Variants in MYO16 observed in about 807,000 individuals in gnomAD.
MYO16 encodes the protein myosin XVI.
MYO16 carries 94 observed loss-of-function variants against 205.3 expected under a neutral mutation model. The observed-to-expected ratio is 0.46, with a 90% CI of 0.39 to 0.54. The LOEUF (loss-of-function observed/expected upper bound fraction) is 0.54, where lower values mean the gene tolerates loss of function less well. Ranked by LOEUF, MYO16 falls within the 20% of genes least tolerant of loss-of-function variation. MYO16 has a pLI of 0.00. For missense variants in MYO16, 2,315 were observed against 2,387.5 expected (o/e 0.97, Z 0.63); for synonymous variants, 988 against 954.0 (o/e 1.04, Z -0.66).
intron 7 of MYO16, among the ~76,000 whole-genome samples, chr13:108,814,083 G>C (rs1167407241): frequency 6.6e-6 from 1 of 152,142 alleles, no homozygotes; most frequent in Non-Finnish European, 1.5e-5. Flanking sequence ...AGATTTTCTT[G>C]TGGGAAACAT....
intron 23 of MYO16, chr13:109,028,299 TATA>T (rs1886429712): frequency 5.1e-6 from 1 of 197,826 alleles, no homozygotes; most frequent in African/African-American, 2.4e-5. Context: ...ATTCTCTAAA[TATA>T]GTATTAAATA....
intron 12 of MYO16, 85 bp from the exon 13 acceptor site, chr13:108,882,974 G>C: frequency 1.3e-6 from 2 of 1,524,226 alleles, no homozygotes; most frequent in South Asian, 2.5e-5. Flanking sequence ...TCTGTATCTT[G>C]GACAGAAGTC....
intron 34 of MYO16, among the ~76,000 whole-genome samples, chr13:109,191,807 T>G (rs1879928423): frequency 6.6e-6 from 1 of 152,224 alleles, no homozygotes; most frequent in Non-Finnish European, 1.5e-5. Context: ...TATGACTATA[T>G]CATATTACAA....
chr13:108,833,692 C>A (rs547773746), intron 9 of MYO16, among the ~76,000 whole-genome samples: 1 of 152,166 alleles, frequency 6.6e-6, no homozygotes, highest in East Asian at 1.9e-4. Flanking sequence ...AAATAAAATC[C>A]TATTTCCTAC....
intron 4 of MYO16, among the ~76,000 whole-genome samples, chr13:108,764,686 T>C (rs1195556961): frequency 6.6e-6 from 1 of 152,214 alleles, no homozygotes; most frequent in Non-Finnish European, 1.5e-5. Flanking sequence ...TGATTTCTTT[T>C]CTTAGCTTTT....
At chr13:109,029,131 T>TTTA (rs71125362) in intron 23 of MYO16, among the ~76,000 whole-genome samples, 1 of 137,994 alleles carries the variant, frequency 7.2e-6, no homozygotes, top group Admixed American at 7.3e-5. Flanking sequence ...TTTTTTTTTT[T>TTTA]GAGATGGAGT....
chr13:108,837,398 A>T (rs1876987079), intron 9 of MYO16, among the ~76,000 whole-genome samples: 1 of 152,214 alleles, frequency 6.6e-6, no homozygotes, highest in African/African-American at 2.4e-5. Context: ...TAATACAGAG[A>T]GTCTTTGTGA....
At chr13:108,795,360 C>CCGCT (rs1886754826) in intron 6 of MYO16, among the ~76,000 whole-genome samples, 1 of 152,010 alleles carries the variant, frequency 6.6e-6, no homozygotes, top group Non-Finnish European at 1.5e-5. Flanking sequence ...AGGCGCATGT[C>CCGCT]ACCACGCCCA....
In MYO16 at chr13:108,855,516, A is replaced by G. The variant is rs1878122225; in HGVS notation, c.1322A>G (p.Tyr441Cys). The G allele has an allele frequency of 1.9e-6, 3 of 1,596,092 alleles. No homozygotes were observed. Among genetic ancestry groups the G allele is most frequent in the African/African-American group, 1.3e-5 (1 of 74,754 alleles). The change falls in exon 11 of 35, where the codon TAT (tyrosine) becomes TGT (cysteine). Residue 441 changes from tyrosine to cysteine, a missense_variant. This residue lies in a region of MYO16 where 1,213 missense variants were observed against 1,274.4 expected (regional missense o/e 0.95). Coordinates refer to ENST00000457511, the MANE Select transcript of MYO16 (RefSeq NM_001198950.3). Reference sequence around the variant, plus strand: ...GAGCTCAATGATGGCAGCCTGCTCTATGAGATTCAGAAGCGCTTTGGGAAC... The same window carrying G: ...GAGCTCAATGATGGCAGCCTGCTCTGTGAGATTCAGAAGCGCTTTGGGAAC... ...LSELNDGSLL[Y>C]EIQKRFGNNQ...
chr13:108,508,650 T>C, the MYO16 span, among the ~76,000 whole-genome samples: 2 of 152,172 alleles, frequency 1.3e-5, no homozygotes, highest in Non-Finnish European at 2.9e-5. Flanking sequence ...AGAGAGAAGC[T>C]ATGAGTTGAG....
intron 16 of MYO16, among the ~76,000 whole-genome samples, chr13:108,936,137 C>T (rs912260226): frequency 9.8e-5 from 12 of 122,652 alleles, no homozygotes; most frequent in East Asian, 2.6e-4. Flanking sequence ...TCCTTCCTTC[C>T]TTCCTTCCTT....
chr13:108,811,652 T>C (rs1178887251), intron 7 of MYO16, among the ~76,000 whole-genome samples: 1 of 151,784 alleles, frequency 6.6e-6, no homozygotes, highest in Admixed American at 6.6e-5. Flanking sequence ...CCTACTTCTC[T>C]CTCCTCTCTC....
At chr13:108,943,006 A>C (rs1378086379) in intron 16 of MYO16, among the ~76,000 whole-genome samples, 1 of 152,234 alleles carries the variant, frequency 6.6e-6, no homozygotes, top group Admixed American at 6.5e-5. Context: ...GACTCCAGTA[A>C]GGAAGCATGA....
chr13:108,772,533 A>C (rs1394951639), intron 4 of MYO16, among the ~76,000 whole-genome samples: 1 of 152,132 alleles, frequency 6.6e-6, no homozygotes, highest in Non-Finnish European at 1.5e-5. Flanking sequence ...GTTGAAGGAG[A>C]CTAAAGAGAA....
chr13:109,042,960 A>C (rs1011571118), intron 23 of MYO16, among the ~76,000 whole-genome samples: 2 of 152,250 alleles, frequency 1.3e-5, no homozygotes, highest in Non-Finnish European at 2.9e-5. Flanking sequence ...CCCAGGTAAC[A>C]GTGAATTGAA....
intron 7 of MYO16, among the ~76,000 whole-genome samples, chr13:108,807,470 A>C (rs1193733035): frequency 2.0e-5 from 3 of 152,206 alleles, no homozygotes; most frequent in African/African-American, 7.2e-5. Flanking sequence ...CTATTTATTC[A>C]ATAAATATAT....
At chr13:108,669,710 T>C (rs1232419187) in intron 2 of MYO16, among the ~76,000 whole-genome samples, 1 of 152,158 alleles carries the variant, frequency 6.6e-6, no homozygotes, top group African/African-American at 2.4e-5. Context: ...ATATTAAATG[T>C]GGTACATATA....
chr13:109,164,568 T>C (rs1878549384), intron 32 of MYO16, among the ~76,000 whole-genome samples: 1 of 152,218 alleles, frequency 6.6e-6, no homozygotes, highest in African/African-American at 2.4e-5. Flanking sequence ...AATGTAATCA[T>C]TCAGAAAACT....
chr13:109,206,989 T>C lies in MYO16; in HGVS notation c.*153T>C, dbSNP rs1332651510. ...CAGACACTAAATATATGAGATCCCGTGTGTGTGTGTGTGTGTTTGTGTGTG... is the reference window on the plus strand; with the variant it reads ...CAGACACTAAATATATGAGATCCCGCGTGTGTGTGTGTGTGTTTGTGTGTG... On this transcript the variant is annotated 3_prime_UTR_variant, in exon 35 of 35. Transcript: ENST00000457511. 2.1e-4 allele frequency: 84 copies of C among 400,868 alleles called. 1 individual carries two copies. In the Admixed American group the frequency reaches 2.9e-3, roughly 14 times the overall value. 24.8% of individuals were successfully genotyped at this position (400,868 alleles called of 1,614,324 possible).
Sources: gnomAD v4.1 joint callset for allele counts (sites outside exome capture counted in the v4.1 genomes callset) on GRCh38, gnomAD v4.1.1 for gene constraint, gnomAD v4.1.1 regional missense constraint, MANE v1.5 for transcripts, NCBI Gene and HGNC (gene_info 2026-07-23, HGNC 2026-07-21) for gene names.